PDE4B: variants seen among roughly 807,000 people sequenced by gnomAD.
The protein encoded by PDE4B is phosphodiesterase 4B.
PDE4B carries 20 observed loss-of-function variants against 82.2 expected under a neutral mutation model. That is an observed-to-expected ratio of 0.24 (90% CI 0.17 to 0.35). The LOEUF is 0.35. PDE4B is among the 10% of genes least tolerant of loss of function. The probability of loss-of-function intolerance (pLI) is 1.00; values close to 1 mark genes in which losing one functional copy is unlikely to be tolerated. For missense variants in PDE4B, 655 were observed against 907.2 expected (o/e 0.72, Z 3.57); for synonymous variants, 320 against 318.9 (o/e 1.00, Z -0.04).
intron 3 of PDE4B, among the ~76,000 whole-genome samples, chr1:66,072,646 A>G (rs1656212539): frequency 6.6e-6 from 1 of 152,074 alleles, no homozygotes; most frequent in Non-Finnish European, 1.5e-5. Flanking sequence ...CACATGGCCA[A>G]CTCACTAGGA....
At chr1:65,945,169 A>G (rs565822895) in intron 3 of PDE4B, among the ~76,000 whole-genome samples, 36 of 151,990 alleles carry the variant, frequency 2.4e-4, no homozygotes, top group Admixed American at 1.8e-3. Context: ...ATCCTAAAGT[A>G]TAGGGTTCCA....
At chr1:66,341,089 A>G (rs1660948796) in intron 8 of PDE4B, among the ~76,000 whole-genome samples, 1 of 152,174 alleles carries the variant, frequency 6.6e-6, no homozygotes, top group Admixed American at 6.5e-5. Context: ...ATTATTTTCT[A>G]TTTCTATTTG....
chr1:66,128,060 G>A (rs1645860707), intron 3 of PDE4B, among the ~76,000 whole-genome samples: 1 of 152,032 alleles, frequency 6.6e-6, no homozygotes, highest in South Asian at 2.1e-4. Flanking sequence ...GTTTTATTGA[G>A]CATTATTTCT....
chr1:66,200,699 G>A (rs1315209744), intron 3 of PDE4B, among the ~76,000 whole-genome samples: 7 of 152,112 alleles, frequency 4.6e-5, no homozygotes, highest in Admixed American at 2.6e-4. Context: ...CTGATTTTGT[G>A]TCCTGAGACT....
At chr1:66,354,827 GGCAAGGAGA>G in intron 8 of PDE4B, 1 of 1,535,528 alleles carries the variant, frequency 6.5e-7, no homozygotes, top group Non-Finnish European at 8.7e-7. Context: ...TGTGGATTGT[GGCAAGGAGA>G]GCATTCCAAA....
At chr1:66,206,653 A>G (rs10454452) in intron 3 of PDE4B, among the ~76,000 whole-genome samples, 73,532 of 151,992 alleles carry the variant, frequency 0.48, 19,011 homozygotes, top group South Asian at 0.63. Context: ...GTGCTTGCCA[A>G]TAATAAGTTG....
chr1:66,185,085 C>T (rs1033202664), intron 3 of PDE4B, among the ~76,000 whole-genome samples: 12 of 151,898 alleles, frequency 7.9e-5, no homozygotes, highest in South Asian at 2.1e-4. Context: ...TGAGAACATG[C>T]GGTGTTTGGT....
At chr1:65,986,363 A>AGAAAAAT (rs1650954371) in intron 3 of PDE4B, among the ~76,000 whole-genome samples, 1 of 152,200 alleles carries the variant, frequency 6.6e-6, no homozygotes, top group Non-Finnish European at 1.5e-5. Flanking sequence ...GACTCTTCTT[A>AGAAAAAT]TGGAAGTTGA....
intron 1 of PDE4B, among the ~76,000 whole-genome samples, chr1:65,796,475 T>C (rs1645632836): frequency 6.6e-6 from 1 of 152,120 alleles, no homozygotes; most frequent in East Asian, 1.9e-4. Context: ...TCAAGTTCGC[T>C]GATTCTGTCC....
At chr1:66,194,641 A>G (rs1165446448) in intron 3 of PDE4B, among the ~76,000 whole-genome samples, 4 of 152,148 alleles carry the variant, frequency 2.6e-5, no homozygotes, top group Admixed American at 6.6e-5. Context: ...TTCGTACTCC[A>G]TGTAACTGGA....
intron 3 of PDE4B, among the ~76,000 whole-genome samples, chr1:66,063,715 T>C (rs1247994175): frequency 1.3e-5 from 2 of 151,958 alleles, no homozygotes; most frequent in Admixed American, 6.6e-5. Flanking sequence ...AATAGAGCAA[T>C]TTTTTTAATT....
intron 7 of PDE4B, among the ~76,000 whole-genome samples, chr1:66,311,850 GAA>G (rs1209891873): frequency 1.3e-5 from 2 of 152,230 alleles, no homozygotes; most frequent in Non-Finnish European, 2.9e-5. Context: ...CAGTGGAAGA[GAA>G]AGTCAGGGCT....
chr1:66,063,533 T>A (rs1199156805), intron 3 of PDE4B, among the ~76,000 whole-genome samples: 3 of 152,016 alleles, frequency 2.0e-5, no homozygotes, highest in African/African-American at 4.8e-5. Flanking sequence ...TACATGTTTA[T>A]GGAGTATATA....
Position 65,857,889 on chromosome 1 carries a change from C to CT in PDE4B, c.-70-55343dup, listed in dbSNP as rs758685296. ...GATTCCAGATTCCTGATCTTGACTC[C>CT]TTTTTTTTTTTTTCTCTCTAGACTT... is the stretch of plus-strand genomic sequence containing the variant. On this transcript the variant is annotated intron_variant, in intron 1 of 16. Coordinates refer to ENST00000341517, the MANE Select transcript of PDE4B (RefSeq NM_002600.4). Among the ~76,000 whole-genome samples the CT allele has an allele frequency of 2.2e-3, 322 of 144,294 alleles. 1 individual carries two copies. Among genetic ancestry groups the CT allele is most frequent in the South Asian group, 0.016 (74 of 4,618 alleles). The allele number at this position is 144,294 out of a possible 152,430, so 94.7% of individuals were successfully genotyped here.
chr1:66,022,354 G>A (rs1274445625), intron 3 of PDE4B, among the ~76,000 whole-genome samples: 3 of 152,188 alleles, frequency 2.0e-5, no homozygotes, highest in African/African-American at 4.8e-5. Flanking sequence ...TTGAATAGGA[G>A]TGGTGAGAGA....
intron 3 of PDE4B, among the ~76,000 whole-genome samples, chr1:66,069,185 G>A (rs965441403): frequency 6.6e-6 from 1 of 151,984 alleles, no homozygotes; most frequent in Non-Finnish European, 1.5e-5. Context: ...AAGTGCATCA[G>A]CAAAGTCTGA....
intron 3 of PDE4B, among the ~76,000 whole-genome samples, chr1:66,178,986 G>T (rs1647001783): frequency 6.6e-6 from 1 of 152,098 alleles, no homozygotes; most frequent in African/African-American, 2.4e-5. Context: ...GAGTAGCTGG[G>T]ATTACAGGCA....
intron 3 of PDE4B, among the ~76,000 whole-genome samples, chr1:66,035,947 T>C (rs1654036839): frequency 1.3e-5 from 2 of 152,192 alleles, no homozygotes; most frequent in Non-Finnish European, 2.9e-5. Flanking sequence ...GCTGTACTAA[T>C]TTACAGTAGC....
At chr1:66,361,526 C>T (rs1662768210) in intron 9 of PDE4B, 89 bp from the exon 10 acceptor site, 1 of 939,632 alleles carries the variant, frequency 1.1e-6, no homozygotes, top group South Asian at 1.8e-5. Context: ...GATTCTAAAG[C>T]TGTTATAGAT....
Sources: gnomAD v4.1 joint callset for allele counts (sites outside exome capture counted in the v4.1 genomes callset) on GRCh38, gnomAD v4.1.1 for gene constraint, MANE v1.5 for transcripts, NCBI Gene and HGNC (gene_info 2026-07-23, HGNC 2026-07-21) for gene names.